Variants in THRB observed in about 807,000 individuals in gnomAD.
THRB encodes nuclear receptor subfamily 1 group A member 2.
A neutral mutation model predicts 47.8 loss-of-function variants in THRB; 12 were observed. The ratio of observed to expected loss-of-function variants is 0.25; its 90% confidence interval spans 0.16 to 0.41. THRB has a LOEUF of 0.41. Among genes scored for constraint, THRB ranks in the 10% least tolerant of loss-of-function variants. The probability of loss-of-function intolerance (pLI) is 1.00; values close to 1 mark genes in which losing one functional copy is unlikely to be tolerated. For synonymous variants in THRB, 218 were observed against 212.2 expected, an observed-to-expected ratio of 1.03 and a Z score of -0.24; for missense variants, 348 against 589.2, an observed-to-expected ratio of 0.59 and a Z score of 4.24.
intron 1 of THRB, among the ~76,000 whole-genome samples, chr3:24,375,503 T>A: frequency 6.8e-6 from 1 of 146,346 alleles, no homozygotes; most frequent in Non-Finnish European, 1.5e-5. Context: ...TATTAATATA[T>A]TATAGTTAGA....
chr3:24,449,675 C>G (rs948734352), intron 1 of THRB, among the ~76,000 whole-genome samples: 3 of 152,082 alleles, frequency 2.0e-5, no homozygotes, highest in African/African-American at 4.8e-5. Flanking sequence ...AATAGGGAAG[C>G]CGGTCCAAAG....
At chr3:24,175,296 C>T (rs2149398531) in intron 5 of THRB, among the ~76,000 whole-genome samples, 1 of 152,254 alleles carries the variant, frequency 6.6e-6, no homozygotes, top group African/African-American at 2.4e-5. Flanking sequence ...ATAGTATTTC[C>T]AGTGGATGGA....
intron 5 of THRB, among the ~76,000 whole-genome samples, chr3:24,154,364 C>G (rs895593978): frequency 6.6e-6 from 1 of 152,172 alleles, no homozygotes; most frequent in Non-Finnish European, 1.5e-5. Context: ...TCTACATGTG[C>G]TTAGCATTGT....
At chr3:24,369,240 A>C (rs1156823097) in intron 1 of THRB, among the ~76,000 whole-genome samples, 1 of 152,164 alleles carries the variant, frequency 6.6e-6, no homozygotes, top group Non-Finnish European at 1.5e-5. Context: ...GGAAACTAAC[A>C]TCATATCTAC....
chr3:24,320,667 C>T (rs1168076984), intron 2 of THRB, among the ~76,000 whole-genome samples: 1 of 152,004 alleles, frequency 6.6e-6, no homozygotes, highest in African/African-American at 2.4e-5. Flanking sequence ...GTGTAAATAT[C>T]TAATGTTAAA....
At chr3:24,221,160 A>G (rs1329775475) in intron 4 of THRB, among the ~76,000 whole-genome samples, 1 of 152,264 alleles carries the variant, frequency 6.6e-6, no homozygotes, top group Admixed American at 6.5e-5. Context: ...GACTTTTCAG[A>G]TGGCAATGGT....
chr3:24,374,032 G>T (rs543557743), intron 1 of THRB, among the ~76,000 whole-genome samples: 9 of 152,062 alleles, frequency 5.9e-5, no homozygotes, highest in African/African-American at 2.2e-4. Context: ...TCTGGGGGCT[G>T]CCCAATTCAC....
At chr3:24,292,249 A>G (rs146870986) in intron 3 of THRB, among the ~76,000 whole-genome samples, 43 of 152,290 alleles carry the variant, frequency 2.8e-4, no homozygotes, top group African/African-American at 9.9e-4. Flanking sequence ...GGGCTGGAAG[A>G]TAGGGAGGGG....
chr3:24,491,861 G>T (rs371869285), intron 1 of THRB, among the ~76,000 whole-genome samples: 1 of 152,236 alleles, frequency 6.6e-6, no homozygotes, highest in East Asian at 1.9e-4. Context: ...AGGGATCAAG[G>T]TAACATGTCA....
At chr3:24,330,266 C>T (rs2061839918) in intron 2 of THRB, among the ~76,000 whole-genome samples, 1 of 152,118 alleles carries the variant, frequency 6.6e-6, no homozygotes, top group Middle Eastern at 3.2e-3. Flanking sequence ...GAGATTGCGC[C>T]ACTGCAGTCC....
intron 1 of THRB, among the ~76,000 whole-genome samples, chr3:24,431,944 TAGAATATATTGTTTAGG>T (rs1236573384): frequency 6.6e-6 from 1 of 152,102 alleles, no homozygotes; most frequent in East Asian, 1.9e-4. Context: ...AGCCAAATTT[TAGAATATATTGTTTAGG>T]AAGATATACG....
At chr3:24,367,741 A>G (rs935311743) in intron 1 of THRB, among the ~76,000 whole-genome samples, 5 of 152,216 alleles carry the variant, frequency 3.3e-5, no homozygotes, top group African/African-American at 1.2e-4. Context: ...TTCTCACAGC[A>G]ATACAAGTAG....
intron 1 of THRB, among the ~76,000 whole-genome samples, chr3:24,493,736 G>A (rs1285388488): frequency 6.6e-6 from 1 of 151,814 alleles, no homozygotes; most frequent in African/African-American, 2.4e-5. Context: ...TTCCATTTGG[G>A]GAAACTTGTA....
chr3:24,249,555 A>T (rs879701028), intron 3 of THRB, among the ~76,000 whole-genome samples: 10,155 of 152,140 alleles, frequency 0.067, 759 homozygotes, highest in African/African-American at 0.18. Context: ...TCTAACCCAG[A>T]ACTTAAACAA....
At chr3:24,313,833 T>C (rs2057930039) in intron 2 of THRB, among the ~76,000 whole-genome samples, 1 of 152,162 alleles carries the variant, frequency 6.6e-6, no homozygotes, top group Admixed American at 6.5e-5. Context: ...ATATCACCTT[T>C]CAGTTCATTT....
At chr3:24,361,910 A>G (rs2064102413) in intron 1 of THRB, among the ~76,000 whole-genome samples, 1 of 152,132 alleles carries the variant, frequency 6.6e-6, no homozygotes, top group African/African-American at 2.4e-5. Context: ...ACCCAATACT[A>G]CTTGCCCATA....
At chr3:24,485,415 C>T (rs1254703551) in intron 1 of THRB, among the ~76,000 whole-genome samples, 1 of 152,182 alleles carries the variant, frequency 6.6e-6, no homozygotes, top group Non-Finnish European at 1.5e-5. Context: ...AAAGACATCA[C>T]AGCAATGTAT....
At chr3:24,421,618 C>T (rs999045497) in intron 1 of THRB, among the ~76,000 whole-genome samples, 2 of 151,828 alleles carry the variant, frequency 1.3e-5, no homozygotes, top group African/African-American at 4.8e-5. Context: ...CACCCAGGAC[C>T]CTGCCAAGGC....
chr3:24,177,696 G>GTT (rs1376490390), intron 5 of THRB, among the ~76,000 whole-genome samples: 1 of 152,168 alleles, frequency 6.6e-6, no homozygotes, highest in African/African-American at 2.4e-5. Flanking sequence ...ATTTGTAAAA[G>GTT]TTTGCAAAAA....
Sources: allele counts gnomAD v4.1 joint callset (sites outside exome capture counted in the v4.1 genomes callset), GRCh38; gene constraint gnomAD v4.1.1; transcripts MANE v1.5; gene names NCBI Gene and HGNC (gene_info 2026-07-23, HGNC 2026-07-21).